Variants in CSMD1 observed in about 807,000 individuals in gnomAD.
CSMD1 encodes CUB and sushi domain-containing protein 1.
Under a neutral mutation model 417.5 loss-of-function variants are expected in CSMD1, and 213 were observed. That is an observed-to-expected ratio of 0.51 (90% CI 0.46 to 0.57). The LOEUF is 0.57. Ranked by LOEUF, CSMD1 falls within the 20% of genes least tolerant of loss-of-function variation. The pLI is 0.00. For missense variants in CSMD1, 6,923 were observed against 4,529.7 expected (o/e 1.53, Z -15.17); for synonymous variants, 2,862 against 1,736.8 (o/e 1.65, Z -16.11).
intron 3 of CSMD1, among the ~76,000 whole-genome samples, chr8:4,056,196 C>T (rs1440156122): frequency 1.4e-5 from 2 of 147,900 alleles, no homozygotes; most frequent in Non-Finnish European, 3.0e-5. Flanking sequence ...ATTCTCTTGC[C>T]TCAGCCTCCC....
At chr8:4,455,188 A>G (rs991052295) in intron 2 of CSMD1, among the ~76,000 whole-genome samples, 2 of 150,010 alleles carry the variant, frequency 1.3e-5, no homozygotes, top group African/African-American at 4.8e-5. Context: ...AGATGCAACA[A>G]AAGCTATGAC....
intron 5 of CSMD1, among the ~76,000 whole-genome samples, chr8:3,767,314 C>G (rs1798327737): frequency 6.6e-6 from 1 of 152,234 alleles, no homozygotes; most frequent in Non-Finnish European, 1.5e-5. Flanking sequence ...TCATTACGAA[C>G]ACGGACAGTG....
intron 3 of CSMD1, among the ~76,000 whole-genome samples, chr8:4,184,685 G>C (rs1350123485): frequency 3.3e-5 from 5 of 152,100 alleles, no homozygotes; most frequent in Admixed American, 6.6e-5. Context: ...GGAAACAACA[G>C]ACACCAGAGG....
At chr8:3,524,198 C>A (rs534178255) in intron 10 of CSMD1, among the ~76,000 whole-genome samples, 1 of 151,894 alleles carries the variant, frequency 6.6e-6, no homozygotes, top group African/African-American at 2.4e-5. Context: ...CACATATGCA[C>A]ACACATGCAA....
At chr8:4,376,489 T>C (rs1353156956) in intron 3 of CSMD1, among the ~76,000 whole-genome samples, 1 of 152,232 alleles carries the variant, frequency 6.6e-6, no homozygotes, top group Admixed American at 6.5e-5. Context: ...CCTCCATTTT[T>C]ATATGAATAG....
intron 3 of CSMD1, among the ~76,000 whole-genome samples, chr8:4,314,750 A>T (rs1798823213): frequency 6.6e-6 from 1 of 152,132 alleles, no homozygotes; most frequent in Non-Finnish European, 1.5e-5. Context: ...TACACATCTG[A>T]CCCATGTCTT....
chr8:3,450,835 T>G (rs927399552), intron 12 of CSMD1, among the ~76,000 whole-genome samples: 15 of 151,856 alleles, frequency 9.9e-5, no homozygotes, highest in Non-Finnish European at 1.6e-4. Flanking sequence ...TACCCAGTAA[T>G]GGGATGGCTG....
At chr8:3,026,713 G>C (rs1339465233) in intron 51 of CSMD1, among the ~76,000 whole-genome samples, 1 of 152,262 alleles carries the variant, frequency 6.6e-6, no homozygotes, top group African/African-American at 2.4e-5. Flanking sequence ...GAGCCCAGAA[G>C]CTGGGCCGTA....
At chr8:4,018,158 ACCCTTT>A (rs1796613540) in intron 4 of CSMD1, among the ~76,000 whole-genome samples, 1 of 152,124 alleles carries the variant, frequency 6.6e-6, no homozygotes, top group Non-Finnish European at 1.5e-5. Context: ...TTTCAAAGAA[ACCCTTT>A]ATAAAAAATA....
chr8:4,647,100 G>T (rs1255589874), intron 1 of CSMD1, among the ~76,000 whole-genome samples: 1 of 152,126 alleles, frequency 6.6e-6, no homozygotes, highest in Non-Finnish European at 1.5e-5. Flanking sequence ...AGTTTAATAT[G>T]AAGAAATTGA....
intron 3 of CSMD1, among the ~76,000 whole-genome samples, chr8:4,033,371 G>T (rs1174222060): frequency 6.6e-6 from 1 of 152,088 alleles, no homozygotes; most frequent in Non-Finnish European, 1.5e-5. Flanking sequence ...GAACCCGGGA[G>T]GCGGAGCTTG....
chr8:3,106,430 T>A (rs2129014561), intron 46 of CSMD1, 98 bp downstream of exon 46: 1 of 655,508 alleles, frequency 1.5e-6, no homozygotes. Context: ...AACAAATAAA[T>A]AAGTTCACAT....
At chr8:4,032,697 G>T (rs975402725) in intron 3 of CSMD1, among the ~76,000 whole-genome samples, 1 of 152,116 alleles carries the variant, frequency 6.6e-6, no homozygotes, top group African/African-American at 2.4e-5. Context: ...CAGCAGCCAG[G>T]CTCTGTCCAT....
At chr8:3,897,445 G>T (rs1237953480) in intron 5 of CSMD1, among the ~76,000 whole-genome samples, 1 of 151,970 alleles carries the variant, frequency 6.6e-6, no homozygotes, top group Non-Finnish European at 1.5e-5. Flanking sequence ...TTCAATTTAT[G>T]ATCTTAAAGT....
At chr8:3,532,632 T>C (rs1798030121) in intron 10 of CSMD1, among the ~76,000 whole-genome samples, 2 of 152,212 alleles carry the variant, frequency 1.3e-5, no homozygotes, top group Non-Finnish European at 2.9e-5. Context: ...GCCAAAATTT[T>C]ACATTCTATT....
chr8:3,183,167 G>C (rs1048168921), intron 36 of CSMD1: 1 of 143,138 alleles, frequency 7.0e-6, no homozygotes, highest in Admixed American at 7.0e-5. Flanking sequence ...CTGAAACATC[G>C]AGTAGGTCTC....
rs568950373 is a variant in CSMD1, at chr8:4,016,955, G to A, written c.610+14950C>T. ...ATCTCAAAAGATGAAACTCCTTAAAGTCAAAATCCCTAATGTCTAAAACCC... is the reference window on the plus strand; with the variant it reads ...ATCTCAAAAGATGAAACTCCTTAAAATCAAAATCCCTAATGTCTAAAACCC... On this transcript the variant is annotated intron_variant, in intron 4 of 69. Transcript: ENST00000635120. Among the ~76,000 whole-genome samples the A allele has an allele frequency of 2.8e-4, 42 of 152,260 alleles. No homozygotes were observed. The South Asian group carries it at 8.5e-3, about 31-fold the overall frequency.
intron 3 of CSMD1, among the ~76,000 whole-genome samples, chr8:4,399,032 G>C (rs1286037941): frequency 6.6e-6 from 1 of 152,178 alleles, no homozygotes; most frequent in Non-Finnish European, 1.5e-5. Context: ...AAATAAGTAT[G>C]AGACAAGTGT....
chr8:4,420,556 C>T (rs924750001), intron 2 of CSMD1, among the ~76,000 whole-genome samples: 3 of 152,008 alleles, frequency 2.0e-5, no homozygotes, highest in African/African-American at 7.3e-5. Flanking sequence ...AAAAATATGA[C>T]AGGTAAAGCA....
Sources: gnomAD v4.1 joint callset for allele counts (sites outside exome capture counted in the v4.1 genomes callset) on GRCh38, gnomAD v4.1.1 for gene constraint, MANE v1.5 for transcripts, NCBI Gene and HGNC (gene_info 2026-07-23, HGNC 2026-07-21) for gene names.